KHDRBS2: variants seen among roughly 807,000 people sequenced by gnomAD.
KHDRBS2 encodes the protein KH domain-containing, RNA-binding, signal transduction-associated protein 2.
In KHDRBS2, 26 loss-of-function variants were observed where a neutral mutation model predicts 44.3. The observed-to-expected ratio is 0.59, with a 90% CI of 0.43 to 0.81. The LOEUF (loss-of-function observed/expected upper bound fraction) is 0.81, where lower values mean the gene tolerates loss of function less well. Among genes scored for constraint, KHDRBS2 ranks in the 40% least tolerant of loss-of-function variants. The pLI, the probability that KHDRBS2 is intolerant of heterozygous loss-of-function variation, is 0.00. For synonymous variants in KHDRBS2, 194 were observed against 151.1 expected (o/e 1.28, Z -2.08); for missense variants, 476 against 433.1 (o/e 1.10, Z -0.88).
intron 6 of KHDRBS2, among the ~76,000 whole-genome samples, chr6:61,766,099 C>T (rs574661871): frequency 2.2e-5 from 3 of 138,096 alleles, no homozygotes; most frequent in South Asian, 4.5e-4. Flanking sequence ...AGTGAAGCCA[C>T]CGTGTTCAGG....
At chr6:62,139,361 G>A (rs1451520111) in intron 2 of KHDRBS2, among the ~76,000 whole-genome samples, 1 of 151,918 alleles carries the variant, frequency 6.6e-6, no homozygotes, top group African/African-American at 2.4e-5. Flanking sequence ...GACCATCCTG[G>A]CTAACACAGT....
At chr6:61,854,904 C>A (rs779919946) in intron 6 of KHDRBS2, among the ~76,000 whole-genome samples, 1 of 152,144 alleles carries the variant, frequency 6.6e-6, no homozygotes, top group African/African-American at 2.4e-5. Flanking sequence ...TCTTGAAAGA[C>A]CATATATCTT....
chr6:62,078,290 G>T (rs923410506), intron 2 of KHDRBS2, among the ~76,000 whole-genome samples: 5 of 151,968 alleles, frequency 3.3e-5, no homozygotes, highest in African/African-American at 1.2e-4. Flanking sequence ...AATAGATGAT[G>T]CTATAAAATA....
chr6:62,177,327 C>A lies in KHDRBS2; in HGVS notation c.92-15G>T, dbSNP rs752062539. 5 of 1,571,498 alleles carry A rather than the reference C, an allele frequency of 3.2e-6. No individual in the cohort carries two copies. The highest frequency in any genetic ancestry group is 4.3e-6 in the Non-Finnish European group (5 of 1,153,326). The stretch of plus-strand genomic sequence containing the variant: ...CTTTTCAATTTCTGGAAGAAAATCA[C>A]AAGAAGAAAACAAGTGAAATGAGGA... On this transcript the variant is annotated splice_polypyrimidine_tract_variant and intron_variant, in intron 1 of 8. Coordinates refer to ENST00000281156, the MANE Select transcript of KHDRBS2 (RefSeq NM_152688.4).
chr6:61,717,977 T>A (rs554214104), intron 7 of KHDRBS2, among the ~76,000 whole-genome samples: 6 of 152,136 alleles, frequency 3.9e-5, no homozygotes, highest in African/African-American at 1.4e-4. Context: ...TGGGTTCAAA[T>A]CCAACATTTA....
chr6:61,765,940 T>TC (rs1484440452), intron 6 of KHDRBS2, among the ~76,000 whole-genome samples: 1 of 125,804 alleles, frequency 7.9e-6, no homozygotes, highest in African/African-American at 3.7e-5. Context: ...CCTGTAGTTT[T>TC]CTTTTTTTAG....
At chr6:61,690,190 G>C (rs779911989) in intron 8 of KHDRBS2, among the ~76,000 whole-genome samples, 1 of 151,620 alleles carries the variant, frequency 6.6e-6, no homozygotes, top group Admixed American at 6.6e-5. Flanking sequence ...CATATCCCTG[G>C]ATATATTTTT....
At chr6:61,565,860 G>A in the KHDRBS2 span, among the ~76,000 whole-genome samples, 1 of 152,118 alleles carries the variant, frequency 6.6e-6, no homozygotes, top group Non-Finnish European at 1.5e-5. Context: ...TCACTGCTGG[G>A]TATATATCCA....
Position 62,275,684 on chromosome 6 carries a change from G to A in KHDRBS2, c.91+10174C>T, listed in dbSNP as rs116322422. On this transcript the variant is annotated intron_variant, in intron 1 of 8. Coordinates refer to ENST00000281156, the MANE Select transcript of KHDRBS2 (RefSeq NM_152688.4). ...TTCACTCTTCTAAAAGTTTATCAAAGCAAGATTTTGCTATTCCCTTAAACA... is the reference window on the plus strand; with the variant it reads ...TTCACTCTTCTAAAAGTTTATCAAAACAAGATTTTGCTATTCCCTTAAACA... Among the ~76,000 whole-genome samples the A allele has an allele frequency of 2.9e-3, 435 of 152,210 alleles. 1 individual carries two copies. Among genetic ancestry groups the A allele is most frequent in the African/African-American group, 0.01 (418 of 41,546 alleles).
At chr6:61,780,695 C>A (rs1322778622) in intron 6 of KHDRBS2, among the ~76,000 whole-genome samples, 6 of 152,116 alleles carry the variant, frequency 3.9e-5, no homozygotes, top group Non-Finnish European at 7.4e-5. Context: ...TTCTTTGTAA[C>A]AAACATTCAT....
intron 4 of KHDRBS2, among the ~76,000 whole-genome samples, chr6:61,970,927 A>G (rs1196962151): frequency 6.6e-6 from 1 of 152,138 alleles, no homozygotes; most frequent in East Asian, 1.9e-4. Flanking sequence ...GTTTTGTATT[A>G]GATTTGAAAT....
intron 2 of KHDRBS2, among the ~76,000 whole-genome samples, chr6:62,098,892 T>C (rs1296733149): frequency 6.6e-6 from 1 of 152,124 alleles, no homozygotes; most frequent in Non-Finnish European, 1.5e-5. Flanking sequence ...ACTATTTTTT[T>C]CTTCTAATTG....
At chr6:62,169,061 A>ATATATATATG (rs1331640910) in intron 2 of KHDRBS2, among the ~76,000 whole-genome samples, 2 of 140,534 alleles carry the variant, frequency 1.4e-5, no homozygotes, top group African/African-American at 5.2e-5. Context: ...ATATATATAT[A>ATATATATATG]TGTATACATG....
At chr6:62,206,942 T>C (rs1828078242) in intron 1 of KHDRBS2, among the ~76,000 whole-genome samples, 1 of 152,124 alleles carries the variant, frequency 6.6e-6, no homozygotes, top group Non-Finnish European at 1.5e-5. Flanking sequence ...ATAAAAAAAG[T>C]CCGTATCTTC....
chr6:61,955,564 GTA>G (rs1198734202), intron 4 of KHDRBS2, among the ~76,000 whole-genome samples: 1 of 60,286 alleles, frequency 1.7e-5, no homozygotes, highest in African/African-American at 5.3e-5. Flanking sequence ...GTATACATGT[GTA>G]TATATACACG....
the KHDRBS2 span, among the ~76,000 whole-genome samples, chr6:61,653,737 A>G: frequency 1.3e-5 from 2 of 152,084 alleles, no homozygotes; most frequent in East Asian, 1.9e-4. Flanking sequence ...AGAGAATACT[A>G]CTGCAAGGAT....
chr6:61,896,352 G>T (rs1370651924), intron 5 of KHDRBS2, among the ~76,000 whole-genome samples: 2 of 152,162 alleles, frequency 1.3e-5, no homozygotes, highest in Non-Finnish European at 2.9e-5. Flanking sequence ...ATAGTCATGG[G>T]TAAGTATTAT....
chr6:61,641,831 T>G, the KHDRBS2 span, among the ~76,000 whole-genome samples: 3 of 152,246 alleles, frequency 2.0e-5, no homozygotes, highest in Non-Finnish European at 4.4e-5. Context: ...GGCCAAGCCA[T>G]GCTTTCACAA....
At chr6:61,775,980 A>C (rs1242290743) in intron 6 of KHDRBS2, among the ~76,000 whole-genome samples, 1 of 152,184 alleles carries the variant, frequency 6.6e-6, no homozygotes, top group African/African-American at 2.4e-5. Context: ...CCTCAGAAAT[A>C]ATGCTGCATA....
Sources: allele counts gnomAD v4.1 joint callset (sites outside exome capture counted in the v4.1 genomes callset), GRCh38; gene constraint gnomAD v4.1.1; transcripts MANE v1.5; gene names NCBI Gene and HGNC (gene_info 2026-07-23, HGNC 2026-07-21).